PRKN: variants seen among roughly 807,000 people sequenced by gnomAD.
PRKN encodes the protein parkin RBR E3 ubiquitin protein ligase.
In PRKN, 56 loss-of-function variants were observed where a neutral mutation model predicts 59.5. That is an observed-to-expected ratio of 0.94 (90% CI 0.76 to 1.18). PRKN has a LOEUF of 1.18. Ranked by LOEUF, PRKN falls within the 50% of genes most tolerant of loss-of-function variation. The pLI is 0.00. For missense variants in PRKN, 657 were observed against 596.4 expected (o/e 1.10, Z -1.06); for synonymous variants, 250 against 222.1 (o/e 1.13, Z -1.12).
chr6:162,394,271 TG>T, intron 2 of PRKN, among the ~76,000 whole-genome samples: 1 of 152,300 alleles, frequency 6.6e-6, no homozygotes, highest in Admixed American at 6.5e-5. Flanking sequence ...TAGGGAGCTC[TG>T]GGCAAAGTGA....
chr6:161,608,419 T>C (rs1239729675), intron 7 of PRKN, among the ~76,000 whole-genome samples: 1 of 152,124 alleles, frequency 6.6e-6, no homozygotes, highest in Non-Finnish European at 1.5e-5. Context: ...GTGTGTGTGT[T>C]TGCAGGCACA....
At chr6:162,109,756 A>T (rs947035565) in intron 4 of PRKN, among the ~76,000 whole-genome samples, 1 of 152,206 alleles carries the variant, frequency 6.6e-6, no homozygotes, top group Non-Finnish European at 1.5e-5. Context: ...CCAACATCCA[A>T]TGAGCACTTA....
intron 7 of PRKN, among the ~76,000 whole-genome samples, chr6:161,696,231 C>A (rs1275826160): frequency 6.6e-6 from 1 of 152,252 alleles, no homozygotes; most frequent in Non-Finnish European, 1.5e-5. Flanking sequence ...AGTTAAGAGA[C>A]CCCATTCTTC....
chr6:161,438,320 T>C lies in PRKN; in HGVS notation c.1084-51443A>G, dbSNP rs574568721. ...GCAACCTCCGCCTCCTGGGTTCAAG[T>C]GATTCTCCTGCCTCAGCCTCCTGAG... On this transcript the variant is annotated intron_variant, in intron 9 of 11. Transcript: ENST00000366898. Among the ~76,000 whole-genome samples the C allele has an allele frequency of 9.5e-5, 14 of 147,876 alleles. No homozygotes were observed. The South Asian group carries it at 3.0e-3, about 32-fold the overall frequency.
chr6:162,599,641 G>T (rs1024647878), intron 1 of PRKN, among the ~76,000 whole-genome samples: 1 of 152,126 alleles, frequency 6.6e-6, no homozygotes, highest in African/African-American at 2.4e-5. Flanking sequence ...GTGAAGATGG[G>T]CTCACAAGTG....
intron 1 of PRKN, among the ~76,000 whole-genome samples, chr6:162,470,768 T>C (rs1014799449): frequency 1.3e-5 from 2 of 152,118 alleles, no homozygotes; most frequent in African/African-American, 2.4e-5. Context: ...TATTTATTTG[T>C]TTTTTTGAGA....
intron 1 of PRKN, among the ~76,000 whole-genome samples, chr6:162,484,309 T>A (rs1435896594): frequency 6.6e-6 from 1 of 152,098 alleles, no homozygotes. Flanking sequence ...CATTAGGGAA[T>A]AAGTGTCAAG....
chr6:162,094,923 G>A (rs1488109666), intron 4 of PRKN, among the ~76,000 whole-genome samples: 2 of 152,124 alleles, frequency 1.3e-5, no homozygotes, highest in Non-Finnish European at 2.9e-5. Context: ...ATGAATATGT[G>A]TGTGTATTCA....
intron 1 of PRKN, among the ~76,000 whole-genome samples, chr6:162,550,333 G>A (rs1380585237): frequency 1.3e-5 from 2 of 152,170 alleles, no homozygotes; most frequent in Admixed American, 6.6e-5. Context: ...TAGAGCGTCT[G>A]GGGGCTAGAC....
intron 4 of PRKN, among the ~76,000 whole-genome samples, chr6:162,187,501 G>T (rs963724813): frequency 3.9e-5 from 6 of 152,090 alleles, no homozygotes; most frequent in Non-Finnish European, 7.4e-5. Flanking sequence ...TCAAGGTGGG[G>T]AAGGACGGAG....
chr6:162,246,665 A>G (rs1244088010), intron 3 of PRKN, among the ~76,000 whole-genome samples: 1 of 152,156 alleles, frequency 6.6e-6, no homozygotes, highest in Non-Finnish European at 1.5e-5. Context: ...TTTCAGTGTT[A>G]AATATGTGAT....
chr6:162,499,290 C>A (rs551818933), intron 1 of PRKN, among the ~76,000 whole-genome samples: 1 of 152,288 alleles, frequency 6.6e-6, no homozygotes, highest in South Asian at 2.1e-4. Context: ...CCTGAGGCAA[C>A]TCTGTGCCCT....
intron 3 of PRKN, among the ~76,000 whole-genome samples, chr6:162,224,088 A>AT (rs150578731): frequency 0.13 from 19,842 of 150,730 alleles, 1,424 homozygotes; most frequent in South Asian, 0.26. Context: ...CCCCAAAAAG[A>AT]TTTTTTTTTC....
At chr6:161,508,032 G>C (rs1003222849) in intron 9 of PRKN, among the ~76,000 whole-genome samples, 1 of 152,292 alleles carries the variant, frequency 6.6e-6, no homozygotes, top group Middle Eastern at 3.4e-3. Flanking sequence ...AACGTATCCA[G>C]GGAAACACGT....
chr6:162,514,062 A>G (rs1221106827), intron 1 of PRKN, among the ~76,000 whole-genome samples: 1 of 152,152 alleles, frequency 6.6e-6, no homozygotes, highest in Non-Finnish European at 1.5e-5. Flanking sequence ...AAAGAAAAAG[A>G]AAAAGAAAAT....
chr6:161,818,748 A>G (rs1284072709), intron 6 of PRKN, among the ~76,000 whole-genome samples: 8 of 152,116 alleles, frequency 5.3e-5, no homozygotes, highest in Non-Finnish European at 1.2e-4. Context: ...TCCCTCAAAA[A>G]AACTAGAAGG....
At chr6:161,368,382 G>GAT (rs34367069) in intron 10 of PRKN, among the ~76,000 whole-genome samples, 8,953 of 99,194 alleles carry the variant, frequency 0.09, 668 homozygotes, top group Middle Eastern at 0.16. Context: ...CCTCAGTCTT[G>GAT]ATATATATAT....
chr6:162,011,336 AT>A (rs1782672310), intron 5 of PRKN, among the ~76,000 whole-genome samples: 1 of 27,286 alleles, frequency 3.7e-5, no homozygotes, highest in African/African-American at 1.7e-4. Flanking sequence ...TATATAATAT[AT>A]TATATATTAT....
At chr6:161,996,349 T>C (rs988107882) in intron 5 of PRKN, among the ~76,000 whole-genome samples, 10 of 152,342 alleles carry the variant, frequency 6.6e-5, no homozygotes, top group African/African-American at 2.4e-4. Flanking sequence ...TTCTGGTTAC[T>C]GGACCTTTAT....
Sources: gnomAD v4.1 joint callset for allele counts (sites outside exome capture counted in the v4.1 genomes callset) on GRCh38, gnomAD v4.1.1 for gene constraint, MANE v1.5 for transcripts, NCBI Gene and HGNC (gene_info 2026-07-23, HGNC 2026-07-21) for gene names.